Variants in MARCHF1 observed in about 807,000 individuals in gnomAD.
MARCHF1 encodes the protein E3 ubiquitin-protein ligase MARCHF1.
In MARCHF1, 40 loss-of-function variants were observed where a neutral mutation model predicts 54.2. That is an observed-to-expected ratio of 0.74 (90% CI 0.57 to 0.96). The LOEUF (loss-of-function observed/expected upper bound fraction) is 0.96, where lower values mean the gene tolerates loss of function less well. Ranked by LOEUF, MARCHF1 falls within the 40% of genes least tolerant of loss-of-function variation. MARCHF1 has a pLI of 0.00. For missense variants in MARCHF1, 586 were observed against 656.5 expected, an observed-to-expected ratio of 0.89 and a Z score of 1.17; for synonymous variants, 236 against 236.3, an observed-to-expected ratio of 1.00 and a Z score of 0.01.
chr4:163,726,447 G>T (rs1343425082), intron 4 of MARCHF1, among the ~76,000 whole-genome samples: 1 of 152,126 alleles, frequency 6.6e-6, no homozygotes, highest in Non-Finnish European at 1.5e-5. Context: ...TGGCTCACCA[G>T]ATCTTTTTTT....
At position 163,701,015 on chromosome 4, in the gene MARCHF1, G is replaced by A. The variant is rs965200451; in HGVS notation, c.112-152C>T. On this transcript the variant is annotated intron_variant, in intron 4 of 9. Coordinates refer to ENST00000514618, the MANE Select transcript of MARCHF1 (RefSeq NM_001394959.1). ...CACATATTAATTGCTTACACAGAAT[G>A]CTTTTTTCTTTTATGAAATCATATT... Among the ~76,000 whole-genome samples, 7 of 151,996 alleles carry A rather than the reference G, an allele frequency of 4.6e-5. 1 individual carries two copies. Among genetic ancestry groups the A allele is most frequent in the Non-Finnish European group, 5.9e-5 (4 of 67,988 alleles).
intron 4 of MARCHF1, among the ~76,000 whole-genome samples, chr4:163,852,721 G>A (rs972113645): frequency 6.6e-6 from 1 of 152,110 alleles, no homozygotes; most frequent in Non-Finnish European, 1.5e-5. Flanking sequence ...TCAAGTGAAA[G>A]CCTATTCTTT....
At chr4:163,894,870 T>TAC (rs2111285847) in intron 3 of MARCHF1, among the ~76,000 whole-genome samples, 1 of 84,692 alleles carries the variant, frequency 1.2e-5, no homozygotes, top group South Asian at 5.5e-4. Flanking sequence ...GATGCATATA[T>TAC]ATATGCATGT....
intron 2 of MARCHF1, among the ~76,000 whole-genome samples, chr4:164,036,876 G>A (rs1754017205): frequency 6.6e-6 from 1 of 152,166 alleles, no homozygotes; most frequent in African/African-American, 2.4e-5. Flanking sequence ...TTATCTAATG[G>A]TGAATATATG....
At chr4:164,135,279 T>G (rs1008473785) in intron 1 of MARCHF1, 12 of 152,190 alleles carry the variant, frequency 7.9e-5, no homozygotes, top group Admixed American at 6.5e-4. Context: ...TTGACACTGT[T>G]TTACCATGAG....
intron 9 of MARCHF1, among the ~76,000 whole-genome samples, chr4:163,545,165 A>G (rs964616024): frequency 6.6e-6 from 1 of 152,222 alleles, no homozygotes; most frequent in Non-Finnish European, 1.5e-5. Flanking sequence ...AGTACTAACT[A>G]AAGAGCTATA....
intron 1 of MARCHF1, among the ~76,000 whole-genome samples, chr4:164,142,091 C>A (rs1248506316): frequency 6.6e-6 from 1 of 152,208 alleles, no homozygotes; most frequent in Non-Finnish European, 1.5e-5. Context: ...GTCACTCCCA[C>A]CCGAATACTG....
intron 3 of MARCHF1, among the ~76,000 whole-genome samples, chr4:163,922,073 C>T (rs1171543775): frequency 6.6e-6 from 1 of 152,030 alleles, no homozygotes; most frequent in African/African-American, 2.4e-5. Context: ...TTTGTAGGGA[C>T]ATGGATGAAG....
At chr4:164,081,330 T>C (rs1755097418) in intron 2 of MARCHF1, among the ~76,000 whole-genome samples, 1 of 151,654 alleles carries the variant, frequency 6.6e-6, no homozygotes, top group Admixed American at 6.6e-5. Context: ...TCAGCAGATC[T>C]TGTTCATTGG....
At chr4:163,582,591 T>C (rs533342111) in intron 8 of MARCHF1, among the ~76,000 whole-genome samples, 2 of 152,358 alleles carry the variant, frequency 1.3e-5, no homozygotes, top group South Asian at 4.1e-4. Context: ...CTGCCTGCAT[T>C]GGCTAATTGG....
intron 1 of MARCHF1, among the ~76,000 whole-genome samples, chr4:164,312,372 G>A (rs1407614934): frequency 1.4e-5 from 2 of 142,276 alleles, no homozygotes; most frequent in African/African-American, 2.6e-5. Flanking sequence ...GCCCAGGCTG[G>A]AGGGCAGTGG....
intron 2 of MARCHF1, among the ~76,000 whole-genome samples, chr4:164,108,565 C>T (rs1755761016): frequency 6.6e-6 from 1 of 151,918 alleles, no homozygotes; most frequent in Admixed American, 6.6e-5. Flanking sequence ...TGAATTTTCT[C>T]CACAATGAGA....
intron 4 of MARCHF1, among the ~76,000 whole-genome samples, chr4:163,771,696 TA>T (rs1293965706): frequency 6.6e-6 from 1 of 152,196 alleles, no homozygotes; most frequent in Non-Finnish European, 1.5e-5. Context: ...CACACACATT[TA>T]GATCATGCAA....
At chr4:163,793,304 C>T (rs555515876) in intron 4 of MARCHF1, among the ~76,000 whole-genome samples, 12 of 152,212 alleles carry the variant, frequency 7.9e-5, no homozygotes, top group Non-Finnish European at 8.8e-5. Flanking sequence ...AAAGTCTCGG[C>T]GTTACTAGCA....
chr4:163,875,185 G>T (rs1390623492), intron 3 of MARCHF1, among the ~76,000 whole-genome samples: 1 of 151,676 alleles, frequency 6.6e-6, no homozygotes, highest in Non-Finnish European at 1.5e-5. Flanking sequence ...TTTGATGTCT[G>T]CATTTCTTTA....
chr4:164,204,116 G>T (rs894278016), intron 1 of MARCHF1, among the ~76,000 whole-genome samples: 1 of 152,076 alleles, frequency 6.6e-6, no homozygotes, highest in Non-Finnish European at 1.5e-5. Context: ...AAACAGGCTT[G>T]ATTATGTTTC....
At chr4:164,341,276 A>AAAC (rs1348457240) in intron 1 of MARCHF1, among the ~76,000 whole-genome samples, 78 of 105,444 alleles carry the variant, frequency 7.4e-4, no homozygotes, top group Middle Eastern at 4.5e-3. Context: ...TCAAAAGCAA[A>AAAC]AACAAAAAAA....
In MARCHF1 at chr4:163,528,703, G is replaced by A. The variant is rs1738232027; in HGVS notation, c.*45C>T. ...ACTTCTGTCATTTGTAGTGGCTGAG[G>A]GCTAGAAAGATATTCTTCGGTGAAG... On this transcript the variant is annotated 3_prime_UTR_variant, in exon 10 of 10. Coordinates refer to ENST00000514618, the MANE Select transcript of MARCHF1 (RefSeq NM_001394959.1). 2 of 1,552,820 alleles carry A rather than the reference G, an allele frequency of 1.3e-6. No homozygotes were observed. Among genetic ancestry groups the A allele is most frequent in the Non-Finnish European group, 8.7e-7 (1 of 1,143,764 alleles).
intron 7 of MARCHF1, among the ~76,000 whole-genome samples, chr4:163,606,944 C>T (rs973007498): frequency 2.6e-5 from 4 of 152,008 alleles, no homozygotes; most frequent in African/African-American, 9.7e-5. Flanking sequence ...TGTATAAGTG[C>T]TTGAAAAGAA....
Sources: gnomAD v4.1 joint callset for allele counts (sites outside exome capture counted in the v4.1 genomes callset) on GRCh38, gnomAD v4.1.1 for gene constraint, MANE v1.5 for transcripts, NCBI Gene and HGNC (gene_info 2026-07-23, HGNC 2026-07-21) for gene names.